The following QTMAN variants were observed in gnomAD, a reference collection of about 807,000 sequenced individuals.
The protein encoded by QTMAN is tRNA-queuosine alpha-mannosyltransferase.
the QTMAN span, among the ~76,000 whole-genome samples, chr2:144,151,006 C>A: frequency 6.6e-6 from 1 of 151,830 alleles, no homozygotes; most frequent in African/African-American, 2.4e-5. Flanking sequence ...GAGGTTGGAG[C>A]CAATGGGAGA....
the QTMAN span, among the ~76,000 whole-genome samples, chr2:144,263,248 A>G: frequency 6.6e-6 from 1 of 151,708 alleles, no homozygotes; most frequent in African/African-American, 2.4e-5. Context: ...TGTTCCTAGG[A>G]CTAACAAGAA....
At chr2:144,062,871 G>T in the QTMAN span, among the ~76,000 whole-genome samples, 1 of 152,128 alleles carries the variant, frequency 6.6e-6, no homozygotes, top group East Asian at 1.9e-4. Flanking sequence ...CTTTGTACGA[G>T]AAATTCATTC....
At chr2:144,064,957 G>T in the QTMAN span, among the ~76,000 whole-genome samples, 1 of 152,116 alleles carries the variant, frequency 6.6e-6, no homozygotes, top group Admixed American at 6.5e-5. Context: ...GGAGAGGGGG[G>T]CAGAGTCCAG....
chr2:144,277,610 T>C, the QTMAN span, among the ~76,000 whole-genome samples: 1 of 152,146 alleles, frequency 6.6e-6, no homozygotes, highest in Non-Finnish European at 1.5e-5. Context: ...ACAGGATCTA[T>C]TTAGATTCTT....
chr2:144,283,009 C>T, the QTMAN span, among the ~76,000 whole-genome samples: 3 of 152,158 alleles, frequency 2.0e-5, no homozygotes, highest in Non-Finnish European at 4.4e-5. Flanking sequence ...AGTTGCTGCG[C>T]CCAGGACCCT....
the QTMAN span, among the ~76,000 whole-genome samples, chr2:144,281,197 T>C: frequency 6.6e-6 from 1 of 151,498 alleles, no homozygotes; most frequent in African/African-American, 2.4e-5. Flanking sequence ...GAAACAAGAA[T>C]TCTCTTACAC....
At chr2:144,278,253 G>A in the QTMAN span, among the ~76,000 whole-genome samples, 3 of 152,192 alleles carry the variant, frequency 2.0e-5, no homozygotes, top group East Asian at 3.9e-4. Context: ...CCTAGTAAAC[G>A]ATTACACCTT....
chr2:144,084,763 A>G, the QTMAN span, among the ~76,000 whole-genome samples: 1 of 152,170 alleles, frequency 6.6e-6, no homozygotes, highest in Admixed American at 6.5e-5. Flanking sequence ...TTCTCTTGGC[A>G]CTCTATTTTC....
At chr2:144,252,642 T>C in the QTMAN span, among the ~76,000 whole-genome samples, 1 of 152,224 alleles carries the variant, frequency 6.6e-6, no homozygotes, top group Non-Finnish European at 1.5e-5. Context: ...CTGCTCCTTT[T>C]TGTTGAAACT....
chr2:144,120,764 C>G, the QTMAN span, among the ~76,000 whole-genome samples: 1 of 152,054 alleles, frequency 6.6e-6, no homozygotes, highest in Admixed American at 6.6e-5. Flanking sequence ...TTCTGAGCTA[C>G]CCCTTAAATC....
At chr2:144,193,390 C>T in the QTMAN span, among the ~76,000 whole-genome samples, 498 of 148,602 alleles carry the variant, frequency 3.4e-3, 4 homozygotes, top group African/African-American at 0.011. Context: ...CATTACTACA[C>T]CTATTATATA....
the QTMAN span, among the ~76,000 whole-genome samples, chr2:144,292,246 C>G: frequency 6.6e-6 from 1 of 152,194 alleles, no homozygotes; most frequent in East Asian, 1.9e-4. Flanking sequence ...TAATCACCAA[C>G]AGCTCCCCCT....
At chr2:144,113,182 T>C in the QTMAN span, among the ~76,000 whole-genome samples, 1 of 151,314 alleles carries the variant, frequency 6.6e-6, no homozygotes, top group African/African-American at 2.4e-5. Flanking sequence ...GCAGCCAACA[T>C]AAAATGATTC....
the QTMAN span, among the ~76,000 whole-genome samples, chr2:144,013,254 A>T: frequency 6.6e-6 from 1 of 152,240 alleles, no homozygotes; most frequent in African/African-American, 2.4e-5. Context: ...TGGGGATGTG[A>T]TAATTGTTTC....
the QTMAN span, among the ~76,000 whole-genome samples, chr2:144,092,626 A>G: frequency 5.3e-5 from 8 of 152,228 alleles, no homozygotes; most frequent in Non-Finnish European, 1.2e-4. Flanking sequence ...GAAAAACAGA[A>G]AAGTTGAGAG....
the QTMAN span, among the ~76,000 whole-genome samples, chr2:144,279,206 G>A: frequency 6.6e-6 from 1 of 151,828 alleles, no homozygotes; most frequent in African/African-American, 2.4e-5. Context: ...TTGAAATTAG[G>A]GACATCAGAT....
At chr2:144,295,937 T>A in the QTMAN span, among the ~76,000 whole-genome samples, 3 of 152,158 alleles carry the variant, frequency 2.0e-5, no homozygotes, top group African/African-American at 7.2e-5. Context: ...AACATGAAAA[T>A]ATAACATTTT....
chr2:144,016,171 C>G, the QTMAN span, among the ~76,000 whole-genome samples: 13 of 152,170 alleles, frequency 8.5e-5, no homozygotes, highest in African/African-American at 3.1e-4. Flanking sequence ...CACAATGAAG[C>G]TTTCAGTACG....
the QTMAN span, among the ~76,000 whole-genome samples, chr2:144,014,414 T>G: frequency 6.6e-6 from 1 of 152,162 alleles, no homozygotes; most frequent in African/African-American, 2.4e-5. Context: ...AAAGCCAACA[T>G]GAAATACAGC....
Sources: allele counts gnomAD v4.1 joint callset (sites outside exome capture counted in the v4.1 genomes callset), GRCh38; gene constraint gnomAD v4.1.1; transcripts MANE v1.5; gene names NCBI Gene and HGNC (gene_info 2026-07-23, HGNC 2026-07-21).